Variants in CATSPERE observed in about 807,000 individuals in gnomAD.
CATSPERE encodes the protein cation channel sperm-associated auxiliary subunit epsilon.
A neutral mutation model predicts 114.1 loss-of-function variants in CATSPERE; 93 were observed. The observed-to-expected ratio is 0.81, with a 90% CI of 0.69 to 0.97. CATSPERE has a LOEUF of 0.97. Ranked by LOEUF, CATSPERE falls within the 50% of genes least tolerant of loss-of-function variation. CATSPERE has a pLI of 0.00. For synonymous variants in CATSPERE, 341 were observed against 384.1 expected (o/e 0.89, Z 1.31); for missense variants, 1,058 against 1,131.6 (o/e 0.93, Z 0.93).
intron 2 of CATSPERE, among the ~76,000 whole-genome samples, chr1:244,467,506 C>A (rs1196314697): frequency 6.6e-6 from 1 of 152,148 alleles, no homozygotes; most frequent in African/African-American, 2.4e-5. Flanking sequence ...CTCTAATACA[C>A]CACTAGAAGG....
intron 17 of CATSPERE, among the ~76,000 whole-genome samples, chr1:244,599,057 G>T (rs1428617175): frequency 6.6e-6 from 1 of 152,110 alleles, no homozygotes; most frequent in Non-Finnish European, 1.5e-5. Flanking sequence ...GTTTGCCGCC[G>T]TGTCTGGGAA....
rs56253016 is a variant in CATSPERE at position 244,610,754 on chromosome 1, C to CTT, written c.2490+443_2490+444dup. On this transcript the variant is annotated intron_variant, in intron 19 of 21. Coordinates refer to ENST00000366534, the MANE Select transcript of CATSPERE (RefSeq NM_001130957.2). The stretch of plus-strand genomic sequence containing the variant: ...CGCATATTTCTCCCTATTTTCTTTC[C>CTT]TTTTTTTTTTTTTTTTGAGACAGAG... Among the ~76,000 whole-genome samples, 40 of 136,406 alleles carry CTT rather than the reference C, an allele frequency of 2.9e-4. 1 individual carries two copies. The highest frequency in any genetic ancestry group is 8.6e-4 in the African/African-American group (31 of 35,984). 89.5% of individuals were successfully genotyped at this position (136,406 alleles called of 152,430 possible).
intron 11 of CATSPERE, among the ~76,000 whole-genome samples, chr1:244,578,521 A>G (rs1665634127): frequency 6.6e-6 from 1 of 152,044 alleles, no homozygotes; most frequent in Admixed American, 6.6e-5. Flanking sequence ...CCTAACCTAA[A>G]CAGCCTATTA....
chr1:244,539,280 G>C (rs1231576985), intron 8 of CATSPERE, among the ~76,000 whole-genome samples: 1 of 141,906 alleles, frequency 7.0e-6, no homozygotes, highest in African/African-American at 2.6e-5. Context: ...TACATTTATT[G>C]ATTTGCATAT....
At chr1:244,478,578 G>A (rs1352605932) in intron 4 of CATSPERE, among the ~76,000 whole-genome samples, 1 of 152,174 alleles carries the variant, frequency 6.6e-6, no homozygotes, top group Non-Finnish European at 1.5e-5. Flanking sequence ...TTTACTTTGA[G>A]GCTTGTGACT....
chr1:244,551,924 C>T (rs988067147), intron 8 of CATSPERE, among the ~76,000 whole-genome samples: 11 of 151,864 alleles, frequency 7.2e-5, no homozygotes, highest in Admixed American at 3.9e-4. Flanking sequence ...ATTAGCCAGG[C>T]GTGGTGGTGG....
At chr1:244,498,348 C>T (rs997867108) in intron 6 of CATSPERE, among the ~76,000 whole-genome samples, 2 of 152,052 alleles carry the variant, frequency 1.3e-5, no homozygotes, top group Admixed American at 6.6e-5. Flanking sequence ...CAAGAACTTA[C>T]GAATAATACT....
rs2148530750 is a variant in CATSPERE, at chr1:244,560,710, G to A, written c.1072G>A (p.Glu358Lys). 1 of 1,613,358 alleles carries A rather than the reference G, an allele frequency of 6.2e-7. No individual in the cohort carries two copies. Among genetic ancestry groups the A allele is most frequent in the East Asian group, 2.2e-5 (1 of 44,846 alleles). ...RSTFAVWTEN[E>K]IYLGSILLKF... The stretch of plus-strand genomic sequence containing the variant: ...CACCTTTGCAGTCTGGACAGAAAAT[G>A]AAATTTACCTCGGATCCATTCTTCT... Residue 358 changes from glutamate to lysine, a missense_variant, in exon 10 of 22, where the codon GAA (glutamate) becomes AAA (lysine). This residue lies in a region of CATSPERE where 787 missense variants were observed against 905.6 expected (regional missense o/e 0.87). Transcript: ENST00000366534.
chr1:244,571,254 A>G (rs1474419155), intron 10 of CATSPERE, among the ~76,000 whole-genome samples: 1 of 152,230 alleles, frequency 6.6e-6, no homozygotes, highest in African/African-American at 2.4e-5. Context: ...TTACTGACTT[A>G]TTCTGATTTC....
At chr1:244,454,041 A>C (rs1338710138), upstream of CATSPERE, among the ~76,000 whole-genome samples, 1 of 152,186 alleles carries the variant, frequency 6.6e-6, no homozygotes, top group African/African-American at 2.4e-5. Flanking sequence ...TCTGATTGGG[A>C]ACGCCTTCTG....
In CATSPERE at chr1:244,573,614, C is replaced by A. The variant is rs1328133638; in HGVS notation, c.1950+842C>A. 1.3e-5 allele frequency among the ~76,000 whole-genome samples: 2 copies of A among 152,114 alleles called. No homozygotes were observed. The highest frequency in any genetic ancestry group is 6.5e-5 in the Admixed American group (1 of 15,284). ...GCCTCAGCTGGAACACTTGCCTCTG[C>A]TGGATAACCCAGGTCTAGTGTTATC... On this transcript the variant is annotated intron_variant, in intron 11 of 21. Transcript: ENST00000366534. This position sits in a 1 kb window ranked among gnomAD's most constrained non-coding sequence, Gnocchi z 4.0.
rs551362763 is a variant in CATSPERE, at chr1:244,471,391, G to T, written c.115-6150G>T. Among the ~76,000 whole-genome samples, 4 of 152,168 alleles carry T rather than the reference G, an allele frequency of 2.6e-5. No homozygotes were observed. In the East Asian group the frequency reaches 7.7e-4, roughly 29 times the overall value. On this transcript the variant is annotated intron_variant, in intron 2 of 21. Transcript: ENST00000366534. ...TTTTGTAAAAGGCAAATTAATTGAG[G>T]TAATTACATACAATGAAATTTACTC...
upstream of CATSPERE, among the ~76,000 whole-genome samples, chr1:244,453,652 G>A (rs972184782): frequency 6.6e-6 from 1 of 152,222 alleles, no homozygotes; most frequent in African/African-American, 2.4e-5. Context: ...CTGGTGGGGT[G>A]CTGCCAACCC....
intron 17 of CATSPERE, among the ~76,000 whole-genome samples, chr1:244,600,567 A>G (rs1669065513): frequency 6.6e-6 from 1 of 152,230 alleles, no homozygotes; most frequent in African/African-American, 2.4e-5. Context: ...AAAGTGCCAT[A>G]TGAAAAATGA....
chr1:244,497,599 C>T (rs1400709515), intron 6 of CATSPERE, among the ~76,000 whole-genome samples: 1 of 152,124 alleles, frequency 6.6e-6, no homozygotes. Context: ...GAGTTCGAGA[C>T]CAGCCTGGCC....
At chr1:244,502,578 T>G (rs565630557) in intron 7 of CATSPERE, among the ~76,000 whole-genome samples, 1 of 152,148 alleles carries the variant, frequency 6.6e-6, no homozygotes, top group Non-Finnish European at 1.5e-5. Context: ...AAGACACTGT[T>G]TCACCGGCTC....
chr1:244,593,357 A>C, intron 15 of CATSPERE, 38 bp from the exon 16 acceptor site: 1 of 1,606,584 alleles, frequency 6.2e-7, no homozygotes, highest in East Asian at 2.2e-5. Context: ...AAGTTTGAAA[A>C]GAGGAAAGAG....
chr1:244,492,447 AAAT>A (rs1481729269), intron 6 of CATSPERE, among the ~76,000 whole-genome samples: 1 of 147,548 alleles, frequency 6.8e-6, no homozygotes, highest in African/African-American at 2.5e-5. Flanking sequence ...ACATATCTCA[AAAT>A]AATAAGAGCT....
rs1329734684 is a variant in CATSPERE at position 244,575,920 on chromosome 1, G to T, written c.1950+3148G>T. On this transcript the variant is annotated intron_variant, in intron 11 of 21. Coordinates refer to ENST00000366534, the MANE Select transcript of CATSPERE (RefSeq NM_001130957.2). The surrounding 1 kb of genome is among the most constrained non-coding windows in gnomAD (Gnocchi z 4.5). ...CTTTTTAACCTCTAAGACACCCTAA[G>T]AAATACTTCACCGCCTCCCATGGCT... Among the ~76,000 whole-genome samples the T allele has an allele frequency of 6.6e-6, 1 of 152,020 alleles. No individual in the cohort carries two copies. The highest frequency in any genetic ancestry group is 2.4e-5 in the African/African-American group (1 of 41,376).
Sources: allele counts gnomAD v4.1 joint callset (sites outside exome capture counted in the v4.1 genomes callset), GRCh38; gene constraint gnomAD v4.1.1; regional missense constraint gnomAD v4.1.1; non-coding constraint Gnocchi (gnomAD v3.1); transcripts MANE v1.5; gene names NCBI Gene and HGNC (gene_info 2026-07-23, HGNC 2026-07-21).